Variants in ZBTB20 observed in about 807,000 individuals in gnomAD.
The protein encoded by ZBTB20 is zinc finger and BTB domain containing 20, also known as zinc finger and BTB domain-containing protein 20.
Under a neutral mutation model 56.9 loss-of-function variants are expected in ZBTB20, and 9 were observed. That is an observed-to-expected ratio of 0.16 (90% confidence interval 0.10 to 0.28). ZBTB20 has a LOEUF of 0.28. Ranked by LOEUF, ZBTB20 falls within the 10% of genes least tolerant of loss-of-function variation. The probability of loss-of-function intolerance (pLI) is 1.00; values close to 1 mark genes in which losing one functional copy is unlikely to be tolerated. For missense variants in ZBTB20, 655 were observed against 1,003.0 expected (o/e 0.65, Z 4.69); for synonymous variants, 417 against 420.7 (o/e 0.99, Z 0.11).
At position 114,645,053 on chromosome 3, in the gene ZBTB20, G is replaced by GCA. The variant is rs530314922; in HGVS notation, c.-295+48473_-295+48474dup. Reference sequence around the variant, plus strand: ...TATTATTAATATAATATAGTTTATTGCACACACACACTATGAGCTCCACGA... The same window carrying GCA: ...TATTATTAATATAATATAGTTTATTGCACACACACACACTATGAGCTCCACGA... On this transcript the variant is annotated intron_variant, in intron 6 of 11. Transcript: ENST00000675478. 4.0e-3 allele frequency among the ~76,000 whole-genome samples: 612 copies of GCA among 151,640 alleles called. 2 individuals are homozygous for GCA. The highest frequency in any genetic ancestry group is 7.4e-3 in the Non-Finnish European group (500 of 67,864).
intron 5 of ZBTB20, among the ~76,000 whole-genome samples, chr3:114,767,678 A>C (rs1412842832): frequency 1.3e-5 from 2 of 151,986 alleles, no homozygotes; most frequent in African/African-American, 4.8e-5. Context: ...GCCATTATAG[A>C]GGTATTTTCT....
chr3:114,686,098 CTCTT>C (rs1231832498), intron 6 of ZBTB20, among the ~76,000 whole-genome samples: 1 of 152,140 alleles, frequency 6.6e-6, no homozygotes, highest in Non-Finnish European at 1.5e-5. Context: ...CCTCTACTCT[CTCTT>C]TAAAAAGACT....
intron 1 of ZBTB20, among the ~76,000 whole-genome samples, chr3:115,077,135 T>C (rs192756824): frequency 1.3e-5 from 2 of 151,940 alleles, no homozygotes; most frequent in Non-Finnish European, 2.9e-5. Context: ...CTGATATATC[T>C]GATAAGGGGT....
At chr3:115,039,024 T>C (rs893499718) in intron 2 of ZBTB20, among the ~76,000 whole-genome samples, 4 of 152,068 alleles carry the variant, frequency 2.6e-5, no homozygotes, top group African/African-American at 7.2e-5. Context: ...TATCCTTGGA[T>C]AAGAGGAGAT....
At chr3:115,031,312 T>C (rs982125319) in intron 2 of ZBTB20, among the ~76,000 whole-genome samples, 4 of 151,414 alleles carry the variant, frequency 2.6e-5, no homozygotes, top group African/African-American at 9.7e-5. Context: ...AAGGAAAGAA[T>C]AATTTTCATT....
At chr3:114,504,279 G>A (rs1214597987) in intron 6 of ZBTB20, among the ~76,000 whole-genome samples, 1 of 152,098 alleles carries the variant, frequency 6.6e-6, no homozygotes, top group African/African-American at 2.4e-5. Flanking sequence ...GGAGTACCGA[G>A]CAGAGAGATG....
At chr3:115,096,965 T>C (rs2083401694) in intron 1 of ZBTB20, among the ~76,000 whole-genome samples, 1 of 152,212 alleles carries the variant, frequency 6.6e-6, no homozygotes, top group Non-Finnish European at 1.5e-5. Context: ...ATCCTTTTGA[T>C]GAATATAGGC....
chr3:114,896,983 G>T (rs1359933708), intron 4 of ZBTB20, among the ~76,000 whole-genome samples: 1 of 152,036 alleles, frequency 6.6e-6, no homozygotes, highest in Non-Finnish European at 1.5e-5. Context: ...TCTTTTTTCA[G>T]AGTCTAAACT....
At chr3:114,616,102 GT>G (rs559773734) in intron 6 of ZBTB20, among the ~76,000 whole-genome samples, 148 of 152,336 alleles carry the variant, frequency 9.7e-4, no homozygotes, top group African/African-American at 3.4e-3. Context: ...TGATAGCCAT[GT>G]TTCAGTGAAC....
At chr3:114,829,087 G>A (rs1209190190) in intron 4 of ZBTB20, among the ~76,000 whole-genome samples, 3 of 151,708 alleles carry the variant, frequency 2.0e-5, no homozygotes, top group Non-Finnish European at 4.4e-5. Context: ...AGTCACCTGG[G>A]CTCTTAAACT....
intron 6 of ZBTB20, among the ~76,000 whole-genome samples, chr3:114,560,512 G>C (rs11928245): frequency 0.015 from 2,298 of 152,196 alleles, 59 homozygotes; most frequent in African/African-American, 0.052. Context: ...TGGTAATGAG[G>C]GGTAAAACCA....
intron 6 of ZBTB20, among the ~76,000 whole-genome samples, chr3:114,522,394 G>C (rs1243506332): frequency 6.6e-6 from 1 of 152,122 alleles, no homozygotes; most frequent in Non-Finnish European, 1.5e-5. Flanking sequence ...AGAGGTAATG[G>C]GGAAATTGAA....
At chr3:115,079,379 CTTAT>C (rs150432470) in intron 1 of ZBTB20, among the ~76,000 whole-genome samples, 26 of 149,458 alleles carry the variant, frequency 1.7e-4, no homozygotes, top group South Asian at 1.1e-3. Context: ...TCAAGTCTTT[CTTAT>C]TTATTTATTT....
At chr3:115,064,035 C>T (rs576759744) in intron 2 of ZBTB20, among the ~76,000 whole-genome samples, 1 of 152,242 alleles carries the variant, frequency 6.6e-6, no homozygotes, top group African/African-American at 2.4e-5. Flanking sequence ...AGGTTTGCAA[C>T]AGAAATGTAA....
At chr3:114,831,189 A>C (rs1415614946) in intron 4 of ZBTB20, among the ~76,000 whole-genome samples, 2 of 147,780 alleles carry the variant, frequency 1.4e-5, no homozygotes, top group African/African-American at 5.0e-5. Flanking sequence ...TTCTTTCTTG[A>C]AACTGGTTCT....
intron 6 of ZBTB20, among the ~76,000 whole-genome samples, chr3:114,645,631 C>A (rs1300241978): frequency 1.3e-5 from 2 of 152,068 alleles, no homozygotes; most frequent in African/African-American, 4.8e-5. Flanking sequence ...GATTTTTCCC[C>A]CAGTGCCTCA....
intron 5 of ZBTB20, among the ~76,000 whole-genome samples, chr3:114,769,787 G>A (rs1243819899): frequency 6.6e-6 from 1 of 151,928 alleles, no homozygotes; most frequent in East Asian, 1.9e-4. Flanking sequence ...GGCTAGGCAT[G>A]GTGGCTCAGA....
At chr3:114,641,963 G>C (rs2059585794) in intron 6 of ZBTB20, among the ~76,000 whole-genome samples, 1 of 152,018 alleles carries the variant, frequency 6.6e-6, no homozygotes, top group Non-Finnish European at 1.5e-5. Context: ...CAGGTAGAAA[G>C]GGCTAATCCT....
intron 3 of ZBTB20, among the ~76,000 whole-genome samples, chr3:114,932,943 G>A (rs1304148902): frequency 6.6e-6 from 1 of 152,050 alleles, no homozygotes; most frequent in African/African-American, 2.4e-5. Flanking sequence ...CAAGAGTCCT[G>A]GCAGCCTCTT....
Sources: gnomAD v4.1 joint callset for allele counts (sites outside exome capture counted in the v4.1 genomes callset) on GRCh38, gnomAD v4.1.1 for gene constraint, MANE v1.5 for transcripts, NCBI Gene and HGNC (gene_info 2026-07-23, HGNC 2026-07-21) for gene names.